AK8: variants seen among roughly 807,000 people sequenced by gnomAD.
The protein encoded by AK8 is ATP-AMP transphosphorylase 8.
A neutral mutation model predicts 54.6 loss-of-function variants in AK8; 44 were observed. The ratio of observed to expected loss-of-function variants is 0.81; its 90% CI spans 0.63 to 1.04. The LOEUF is 1.04. Among genes scored for constraint, AK8 ranks in the 50% least tolerant of loss-of-function variants. AK8 has a pLI of 0.00. For missense variants in AK8, 555 were observed against 613.6 expected (o/e 0.90, Z 1.01); for synonymous variants, 239 against 245.6 (o/e 0.97, Z 0.25).
At chr9:132,824,968 T>G (rs1302540981) in intron 8 of AK8, among the ~76,000 whole-genome samples, 2 of 152,208 alleles carry the variant, frequency 1.3e-5, no homozygotes, top group African/African-American at 4.8e-5. Flanking sequence ...AGGCTGAGAC[T>G]TGGCAGAGCT....
intron 10 of AK8, among the ~76,000 whole-genome samples, chr9:132,801,660 C>G (rs1418472250): frequency 6.6e-6 from 1 of 152,196 alleles, no homozygotes; most frequent in Non-Finnish European, 1.5e-5. Context: ...CAAACAGAAC[C>G]ATGAGCCCAG....
chr9:132,846,179 T>A (rs932088226), intron 5 of AK8, among the ~76,000 whole-genome samples: 1 of 152,216 alleles, frequency 6.6e-6, no homozygotes. Flanking sequence ...TAGTACTGTT[T>A]CAAATGTTTT....
rs1391616372 is a variant in AK8 at position 132,827,162 on chromosome 9, C to T, written c.557-108G>A. The stretch of plus-strand genomic sequence containing the variant: ...TCCTGGAGGCCAGGCCCTACACATT[C>T]CTGGGGTGTGGCTGACCACGGCAGG... On this transcript the variant is annotated intron_variant, in intron 7 of 12. Transcript: ENST00000298545. 6.9e-6 allele frequency: 8 copies of T among 1,158,626 alleles called. 1 individual carries two copies. The East Asian group carries it at 1.9e-4, about 27-fold the overall frequency. 71.8% of individuals were successfully genotyped at this position (1,158,626 alleles called of 1,614,324 possible).
intron 10 of AK8, among the ~76,000 whole-genome samples, chr9:132,805,073 G>A (rs1343840612): frequency 1.3e-5 from 2 of 152,210 alleles, no homozygotes; most frequent in Non-Finnish European, 2.9e-5. Flanking sequence ...TACACTGAGA[G>A]ACCTCCCGAC....
chr9:132,868,230 A>C (rs550271047), intron 2 of AK8, among the ~76,000 whole-genome samples: 1 of 152,236 alleles, frequency 6.6e-6, no homozygotes, highest in Non-Finnish European at 1.5e-5. Context: ...AGGCAGACAG[A>C]GAAAAGGAAC....
intron 11 of AK8, among the ~76,000 whole-genome samples, chr9:132,735,072 G>A (rs897824267): frequency 1.3e-5 from 2 of 152,138 alleles, no homozygotes; most frequent in South Asian, 4.1e-4. Flanking sequence ...TGGCTGCAAT[G>A]TGCAGCCAGG....
chr9:132,852,609 C>CA (rs35481626), intron 5 of AK8, among the ~76,000 whole-genome samples: 1,913 of 128,734 alleles, frequency 0.015, 47 homozygotes, highest in African/African-American at 0.054. Flanking sequence ...GACTCCATCT[C>CA]AAAAAAAAAA....
At chr9:132,833,917 G>T (rs1276097077) in intron 5 of AK8, among the ~76,000 whole-genome samples, 11 of 152,230 alleles carry the variant, frequency 7.2e-5, no homozygotes, top group African/African-American at 2.7e-4. Context: ...CCTTTTTGAT[G>T]CGTTGCCTTT....
chr9:132,729,149 C>T (rs938316769), intron 11 of AK8, among the ~76,000 whole-genome samples: 26 of 152,308 alleles, frequency 1.7e-4, no homozygotes, highest in African/African-American at 5.3e-4. Flanking sequence ...CCTCTCAAAG[C>T]GCTGGGATTA....
chr9:132,771,021 T>C (rs1180337350), intron 11 of AK8, among the ~76,000 whole-genome samples: 1 of 152,078 alleles, frequency 6.6e-6, no homozygotes, highest in Non-Finnish European at 1.5e-5. Context: ...GCAGGGCAGG[T>C]GTGGACTTAG....
At chr9:132,862,295 T>G (rs1048068197) in intron 4 of AK8, among the ~76,000 whole-genome samples, 1 of 151,068 alleles carries the variant, frequency 6.6e-6, no homozygotes, top group African/African-American at 2.4e-5. Flanking sequence ...GACTTGGGGC[T>G]GGGGGTCTGT....
intron 2 of AK8, among the ~76,000 whole-genome samples, chr9:132,868,246 A>G (rs150584895): frequency 9.2e-5 from 14 of 152,312 alleles, no homozygotes; most frequent in African/African-American, 2.9e-4. Flanking sequence ...GGAACTAGAC[A>G]TCGTCCTTTT....
rs571650130 is a variant in AK8 at position 132,790,687 on chromosome 9, G to A, written c.1121+1947C>T. Among the ~76,000 whole-genome samples the A allele has an allele frequency of 6.6e-4, 100 of 152,156 alleles. No individual in the cohort carries two copies. The highest frequency in any genetic ancestry group is 1.2e-3 in the Non-Finnish European group (81 of 68,004). ...CATGACACCCTGTTCTGAAAGTACC[G>A]CCCAACAAGAGTAAAATGAAAAGTA... On this transcript the variant is annotated intron_variant, in intron 11 of 12. Coordinates refer to ENST00000298545, the MANE Select transcript of AK8 (RefSeq NM_152572.3). The surrounding 1 kb of genome is among the most constrained non-coding windows in gnomAD (Gnocchi z 4.1).
rs1286628856 is a variant in AK8 at position 132,828,831 on chromosome 9, A to C, written c.403-105T>G. The C allele has an allele frequency of 4.7e-6, 4 of 858,900 alleles. No individual in the cohort carries two copies. In the African/African-American group the frequency reaches 6.9e-5, roughly 15 times the overall value. 53.2% of individuals were successfully genotyped at this position (858,900 alleles called of 1,614,324 possible). ...CTTTATAGAAAGACTAGAACTTTTA[A>C]GACAAAAAAAATGTTTCTGATAGCT... On this transcript the variant is annotated intron_variant, in intron 5 of 12. Transcript: ENST00000298545.
chr9:132,864,908 C>A (rs1001618209), intron 3 of AK8, among the ~76,000 whole-genome samples: 5 of 152,198 alleles, frequency 3.3e-5, no homozygotes, highest in African/African-American at 1.2e-4. Flanking sequence ...CAACCAGACT[C>A]CTCCAGAAAA....
At chr9:132,818,849 T>TA (rs111884643) in intron 9 of AK8, among the ~76,000 whole-genome samples, 71 of 142,924 alleles carry the variant, frequency 5.0e-4, no homozygotes, top group Admixed American at 7.7e-4. Context: ...CCCCGTCTCT[T>TA]AAAAAAAAAA....
intron 11 of AK8, among the ~76,000 whole-genome samples, chr9:132,746,926 G>A (rs1449540140): frequency 6.6e-6 from 1 of 152,202 alleles, no homozygotes; most frequent in Non-Finnish European, 1.5e-5. Context: ...TGGGTTTAAT[G>A]CATTCTGGTT....
At chr9:132,745,311 C>T (rs1335190572) in intron 11 of AK8, among the ~76,000 whole-genome samples, 2 of 152,200 alleles carry the variant, frequency 1.3e-5, no homozygotes, top group African/African-American at 4.8e-5. Flanking sequence ...GAACCGCGGG[C>T]TGCCCAGGGC....
At chr9:132,873,760 C>T (rs1843962727) in intron 2 of AK8, among the ~76,000 whole-genome samples, 2 of 152,098 alleles carry the variant, frequency 1.3e-5, no homozygotes, top group African/African-American at 4.8e-5. Context: ...CAGGAACTAC[C>T]TCCACTGGCA....
Sources: allele counts gnomAD v4.1 joint callset (sites outside exome capture counted in the v4.1 genomes callset), GRCh38; gene constraint gnomAD v4.1.1; non-coding constraint Gnocchi (gnomAD v3.1); transcripts MANE v1.5; gene names NCBI Gene and HGNC (gene_info 2026-07-23, HGNC 2026-07-21).